The following OCA2 variants were observed in gnomAD, a reference collection of about 807,000 sequenced individuals.
OCA2 encodes OCA2 melanosomal transmembrane protein, also known as P protein.
OCA2 carries 77 observed loss-of-function variants against 100.2 expected under a neutral mutation model. The ratio of observed to expected loss-of-function variants is 0.77; its 90% CI spans 0.64 to 0.93. OCA2 has a LOEUF of 0.93. OCA2 is among the 40% of genes least tolerant of loss of function. The pLI is 0.00. For missense variants in OCA2, 1,062 were observed against 1,089.1 expected, an observed-to-expected ratio of 0.98 and a Z score of 0.35; for synonymous variants, 432 against 439.2, an observed-to-expected ratio of 0.98 and a Z score of 0.21.
rs367803141 is a variant in OCA2 at position 28,017,828 on chromosome 15, G to A, written c.807+569C>T. Among the ~76,000 whole-genome samples, 23 of 152,292 alleles carry A rather than the reference G, an allele frequency of 1.5e-4. No homozygotes were observed. The East Asian group carries it at 2.3e-3, about 15-fold the overall frequency. ...GTGGAGTCTCCGAGGCCAGGGCTCGGGGGAGTCAGGCTTGCGTGGAAGGAG... is the reference window on the plus strand; with the variant it reads ...GTGGAGTCTCCGAGGCCAGGGCTCGAGGGAGTCAGGCTTGCGTGGAAGGAG... On this transcript the variant is annotated intron_variant, in intron 7 of 23. Coordinates refer to ENST00000354638, the MANE Select transcript of OCA2 (RefSeq NM_000275.3).
chr15:27,912,314 A>G (rs1279987098), intron 19 of OCA2, among the ~76,000 whole-genome samples: 1 of 152,210 alleles, frequency 6.6e-6, no homozygotes, highest in Non-Finnish European at 1.5e-5. Flanking sequence ...CCATTCCCCA[A>G]TACAAGGAAT....
intron 19 of OCA2, chr15:27,896,236 G>A (rs28657723): frequency 0.35 from 368,716 of 1,046,580 alleles, 67,347 homozygotes; most frequent in Middle Eastern, 0.47. Context: ...TGATTCCCTG[G>A]TTATGGTTCT....
At chr15:28,093,712 G>A (rs939283828) in intron 1 of OCA2, among the ~76,000 whole-genome samples, 2 of 152,180 alleles carry the variant, frequency 1.3e-5, no homozygotes, top group Non-Finnish European at 2.9e-5. Flanking sequence ...CCGTAGGGGA[G>A]TGTGAAATAG....
chr15:27,979,338 T>C (rs964474544), intron 14 of OCA2, among the ~76,000 whole-genome samples: 8 of 152,254 alleles, frequency 5.3e-5, no homozygotes, highest in African/African-American at 1.9e-4. Flanking sequence ...CAAAGTTAGC[T>C]GAGGAGCATC....
intron 19 of OCA2, among the ~76,000 whole-genome samples, chr15:27,893,466 C>T (rs962157865): frequency 6.6e-6 from 1 of 152,106 alleles, no homozygotes; most frequent in Admixed American, 6.5e-5. Context: ...CAAAAAGAGC[C>T]ATATTTTTCT....
At chr15:27,769,730 CAT>C (rs1161413702) in intron 23 of OCA2, among the ~76,000 whole-genome samples, 1 of 152,252 alleles carries the variant, frequency 6.6e-6, no homozygotes, top group African/African-American at 2.4e-5. Context: ...AAAGGTAACA[CAT>C]GATTCTGAGC....
chr15:27,978,450 A>G (rs1452742755), intron 14 of OCA2, among the ~76,000 whole-genome samples: 1 of 152,180 alleles, frequency 6.6e-6, no homozygotes, highest in Non-Finnish European at 1.5e-5. Flanking sequence ...ATCAAGTTTC[A>G]CATATTTTAA....
intron 23 of OCA2, among the ~76,000 whole-genome samples, chr15:27,829,395 C>G (rs1387922086): frequency 6.6e-6 from 1 of 152,196 alleles, no homozygotes; most frequent in Non-Finnish European, 1.5e-5. Context: ...TGGGAGTCAA[C>G]CACACCTCAC....
intron 2 of OCA2, among the ~76,000 whole-genome samples, chr15:28,066,282 T>C (rs2044021448): frequency 6.6e-6 from 1 of 152,176 alleles, no homozygotes; most frequent in Non-Finnish European, 1.5e-5. Context: ...GCCATGTTCC[T>C]AGAGCAGAAG....
intron 2 of OCA2, among the ~76,000 whole-genome samples, chr15:28,041,102 C>G (rs1180724487): frequency 6.6e-6 from 1 of 151,972 alleles, no homozygotes; most frequent in Non-Finnish European, 1.5e-5. Context: ...TGCAAAAATC[C>G]TCAACAAAAT....
chr15:27,765,408 G>A (rs2031178778), intron 23 of OCA2, among the ~76,000 whole-genome samples: 1 of 152,148 alleles, frequency 6.6e-6, no homozygotes. Context: ...AAGTTTATCT[G>A]GGGTCTGAAG....
In OCA2 at chr15:28,016,126, T is replaced by C. The variant is rs769408559; in HGVS notation, c.868A>G (p.Arg290Gly). ...PRRSEHSVMS[R>G]TFEVLTRETV... ...CACCTGGTCAGTACCTCAAAGGTCC[T>C]GCTCATCACTGAGTGCTCGCTTCTC... The change falls in exon 8 of 24, where the codon AGG (arginine) becomes GGG (glycine). Residue 290 changes from arginine to glycine, a missense_variant. By Grantham distance (125) the Arg-to-Gly change is moderately radical. Transcript: ENST00000354638. 24 of 1,614,068 alleles carry C rather than the reference T, an allele frequency of 1.5e-5. No individual in the cohort carries two copies. The highest frequency in any genetic ancestry group is 3.3e-5 in the Admixed American group (2 of 60,010).
At position 27,755,327 on chromosome 15, in the gene OCA2, T is replaced by C; in HGVS notation, c.*61A>G. 1 of 1,293,268 alleles carries C rather than the reference T, an allele frequency of 7.7e-7. No individual in the cohort carries two copies. The highest frequency in any genetic ancestry group is 1.2e-5 in the South Asian group (1 of 84,180). 80.1% of individuals were successfully genotyped at this position (1,293,268 alleles called of 1,614,324 possible). On this transcript the variant is annotated 3_prime_UTR_variant, in exon 24 of 24. Coordinates refer to ENST00000354638, the MANE Select transcript of OCA2 (RefSeq NM_000275.3). ...AAACAGTGGGGTCAGGGTAGTTTTA[T>C]GACTAATGGGTTGTGATGGATGAAG...
intron 2 of OCA2, among the ~76,000 whole-genome samples, chr15:28,066,976 C>T (rs1204095824): frequency 1.3e-5 from 2 of 152,180 alleles, no homozygotes; most frequent in African/African-American, 2.4e-5. Flanking sequence ...AGTTGTCCCA[C>T]CTTTCTGGAT....
intron 2 of OCA2, among the ~76,000 whole-genome samples, chr15:28,072,327 C>T (rs542340592): frequency 2.6e-5 from 4 of 152,242 alleles, no homozygotes; most frequent in South Asian, 2.1e-4. Flanking sequence ...CGGTGGCTCA[C>T]GCCTGTAATC....
At chr15:27,759,063 A>C (rs1254488540) in intron 23 of OCA2, among the ~76,000 whole-genome samples, 2 of 152,232 alleles carry the variant, frequency 1.3e-5, no homozygotes, top group Non-Finnish European at 2.9e-5. Flanking sequence ...ATTTCTTGAA[A>C]GCAGTCAGAG....
intron 23 of OCA2, among the ~76,000 whole-genome samples, chr15:27,827,382 T>C (rs963231743): frequency 1.3e-5 from 2 of 152,194 alleles, no homozygotes; most frequent in African/African-American, 4.8e-5. Flanking sequence ...AAGAGCCTGG[T>C]GCTCAGGTAA....
intron 19 of OCA2, among the ~76,000 whole-genome samples, chr15:27,881,727 A>T (rs574602821): frequency 4.8e-4 from 73 of 152,082 alleles, no homozygotes; most frequent in Non-Finnish European, 8.8e-4. Flanking sequence ...CCTCTTTATC[A>T]TTTTTTTATT....
intron 23 of OCA2, among the ~76,000 whole-genome samples, chr15:27,839,986 G>GAA (rs1305601142): frequency 6.6e-6 from 1 of 152,064 alleles, no homozygotes; most frequent in Non-Finnish European, 1.5e-5. Context: ...CAATTCAGAT[G>GAA]AAAGGAAAGC....
Sources: gnomAD v4.1 joint callset for allele counts (sites outside exome capture counted in the v4.1 genomes callset) on GRCh38, gnomAD v4.1.1 for gene constraint, MANE v1.5 for transcripts, NCBI Gene and HGNC (gene_info 2026-07-23, HGNC 2026-07-21) for gene names.